GOLGA3: variants seen among roughly 807,000 people sequenced by gnomAD.
GOLGA3 encodes the protein golgin A3.
Under a neutral mutation model 169.4 loss-of-function variants are expected in GOLGA3, and 75 were observed. The ratio of observed to expected loss-of-function variants is 0.44; its 90% CI spans 0.37 to 0.54. The LOEUF is 0.54. Ranked by LOEUF, GOLGA3 falls within the 20% of genes least tolerant of loss-of-function variation. The pLI is 0.00. For missense variants in GOLGA3, 1,899 were observed against 1,930.0 expected, an observed-to-expected ratio of 0.98 and a Z score of 0.30; for synonymous variants, 824 against 822.4, an observed-to-expected ratio of 1.00 and a Z score of -0.03.
At chr12:132,803,738 C>G (rs1949246302) in intron 7 of GOLGA3, among the ~76,000 whole-genome samples, 1 of 152,170 alleles carries the variant, frequency 6.6e-6, no homozygotes, top group Admixed American at 6.5e-5. Context: ...TCTGTGTCAT[C>G]CAAGACCCAG....
chr12:132,783,618 G>A (rs1182797990), intron 16 of GOLGA3, among the ~76,000 whole-genome samples: 4 of 110,204 alleles, frequency 3.6e-5, no homozygotes, highest in Non-Finnish European at 6.0e-5. Context: ...TCACTCTGTC[G>A]CCCAGCCTGG....
chr12:132,812,002 CAAAAAAAA>C (rs71076477), intron 4 of GOLGA3, among the ~76,000 whole-genome samples: 1 of 39,906 alleles, frequency 2.5e-5, no homozygotes, highest in Non-Finnish European at 4.2e-5. Flanking sequence ...CTCCGTCTCT[CAAAAAAAA>C]AAAAAAAAAA....
rs2044808173 is a variant in GOLGA3, at chr12:132,769,620, T to C, written c.*3485A>G. On this transcript the variant is annotated 3_prime_UTR_variant, in exon 24 of 24. Transcript: ENST00000450791. Reference sequence around the variant, plus strand: ...CATGAAAACCAAGTTACGTTGTTTTTGGAACATCAGAAAAACAAGTAGTGA... The same window carrying C: ...CATGAAAACCAAGTTACGTTGTTTTCGGAACATCAGAAAAACAAGTAGTGA... 1 of 152,252 alleles carries C rather than the reference T, an allele frequency of 6.6e-6. No individual in the cohort carries two copies. Among genetic ancestry groups the C allele is most frequent in the South Asian group, 2.1e-4 (1 of 4,836 alleles). 9.4% of individuals were successfully genotyped at this position (152,252 alleles called of 1,614,324 possible). A position where few individuals can be genotyped will look rare whatever the true frequency, so the allele number is the denominator to read the frequency against.
At chr12:132,788,476 C>T (rs2046043378) in intron 13 of GOLGA3, among the ~76,000 whole-genome samples, 1 of 152,160 alleles carries the variant, frequency 6.6e-6, no homozygotes, top group African/African-American at 2.4e-5. Context: ...ACCTGCTCTG[C>T]TACCTGCAGC....
chr12:132,772,823 CAG>C lies in GOLGA3; in HGVS notation c.*280_*281del. On this transcript the variant is annotated 3_prime_UTR_variant, in exon 24 of 24. Transcript: ENST00000450791. ...GCAGAGAGCAGCATCGGTGGCCGCT[CAG>C]AAGCCACGACCTACAAGTAACCCTT... 3.1e-6 allele frequency: 1 copy of C among 319,886 alleles called. No individual in the cohort carries two copies. The allele number at this position is 319,886 out of a possible 1,614,324, so 19.8% of individuals were successfully genotyped here. A position where few individuals can be genotyped will look rare whatever the true frequency, so the allele number is the denominator to read the frequency against.
intron 18 of GOLGA3, among the ~76,000 whole-genome samples, chr12:132,780,017 ACAC>A (rs1467976873): frequency 7.1e-6 from 1 of 141,150 alleles, no homozygotes; most frequent in African/African-American, 2.7e-5. Flanking sequence ...ACGTGCGCAC[ACAC>A]ACCACAGCCC....
At chr12:132,782,124 C>T (rs1437078296) in intron 17 of GOLGA3, among the ~76,000 whole-genome samples, 172 bp downstream of exon 17, 1 of 152,228 alleles carries the variant, frequency 6.6e-6, no homozygotes, top group Non-Finnish European at 1.5e-5. Context: ...GCACCAACAG[C>T]TGGGGACCCA....
At chr12:132,774,612 G>A (rs1321917583) in intron 22 of GOLGA3, 2 of 486,354 alleles carry the variant, frequency 4.1e-6, no homozygotes, top group Non-Finnish European at 7.3e-6. Context: ...TCTCCCAGAC[G>A]CTTCTCCCAT....
intron 22 of GOLGA3, chr12:132,774,731 C>T (rs774399375): frequency 3.6e-5 from 15 of 421,094 alleles, no homozygotes; most frequent in Non-Finnish European, 5.5e-5. Flanking sequence ...AAGCACACGA[C>T]GCTAAACGGC....
chr12:132,774,570 C>A (rs1258994121), intron 22 of GOLGA3: 12 of 560,344 alleles, frequency 2.1e-5, no homozygotes, highest in Non-Finnish European at 3.8e-5. Context: ...CCTGGGTCTG[C>A]GGCAGGACGG....
rs2045317225 is a variant in GOLGA3 at position 132,777,587 on chromosome 12, C to G, written c.3722+79G>C. The G allele has an allele frequency of 6.7e-7, 1 of 1,503,340 alleles. No homozygotes were observed. Among genetic ancestry groups the G allele is most frequent in the South Asian group, 1.2e-5 (1 of 84,568 alleles). The allele number at this position is 1,503,340 out of a possible 1,614,324, so 93.1% of individuals were successfully genotyped here. On this transcript the variant is annotated intron_variant, in intron 19 of 23. Transcript: ENST00000450791. The surrounding 1 kb of genome is among the most constrained non-coding windows in gnomAD (Gnocchi z 4.7). ...ATTTGCAAAATATAGATGACCCTCG[C>G]TGTGCTGAAGGTGTGAATTAGACCC...
intron 4 of GOLGA3, among the ~76,000 whole-genome samples, chr12:132,812,528 G>A (rs1949770074): frequency 2.6e-5 from 4 of 152,110 alleles, no homozygotes; most frequent in Admixed American, 2.6e-4. Flanking sequence ...ATGGGTGGAG[G>A]GGTCAAAATA....
chr12:132,769,481 G>T lies in GOLGA3; in HGVS notation c.*3624C>A, dbSNP rs2044799170. ...GGCCCCTGCTGGACCCACCCGAGGAGAGTCCATTTCACATCCTATCAGAAA... is the reference window on the plus strand; with the variant it reads ...GGCCCCTGCTGGACCCACCCGAGGATAGTCCATTTCACATCCTATCAGAAA... On this transcript the variant is annotated 3_prime_UTR_variant, in exon 24 of 24. Coordinates refer to ENST00000450791, the MANE Select transcript of GOLGA3 (RefSeq NM_001389683.1). 1 of 152,302 alleles carries T rather than the reference G, an allele frequency of 6.6e-6. No individual in the cohort carries two copies. The highest frequency in any genetic ancestry group is 1.5e-5 in the Non-Finnish European group (1 of 68,082). 9.4% of individuals were successfully genotyped at this position (152,302 alleles called of 1,614,324 possible).
chr12:132,795,274 T>C (rs1948777670), intron 11 of GOLGA3, among the ~76,000 whole-genome samples: 1 of 151,734 alleles, frequency 6.6e-6, no homozygotes, highest in Non-Finnish European at 1.5e-5. Flanking sequence ...GGCAGATCAC[T>C]TGGGTTTAGG....
At position 132,814,591 on chromosome 12, in the gene GOLGA3, C is replaced by T. The variant is rs1372584473; in HGVS notation, c.407-1172G>A. On this transcript the variant is annotated intron_variant, in intron 3 of 23. Coordinates refer to ENST00000450791, the MANE Select transcript of GOLGA3 (RefSeq NM_001389683.1). ...GGGTCCGCTCTGACGCACAGCTCAT[C>T]TCAGCTCCTGCAGTAACAAGTCACA... Among the ~76,000 whole-genome samples, 4 of 152,236 alleles carry T rather than the reference C, an allele frequency of 2.6e-5. No individual in the cohort carries two copies. In the East Asian group the frequency reaches 7.7e-4, roughly 29 times the overall value.
intron 3 of GOLGA3, among the ~76,000 whole-genome samples, chr12:132,814,602 C>A (rs1228786698): frequency 2.6e-5 from 4 of 152,232 alleles, no homozygotes; most frequent in Admixed American, 1.3e-4. Context: ...TCAGCTCCTG[C>A]AGTAACAAGT....
intron 4 of GOLGA3, among the ~76,000 whole-genome samples, chr12:132,810,998 GTCTCTCTCTCTCCC>G (rs1245249178): frequency 2.0e-5 from 3 of 152,134 alleles, no homozygotes; most frequent in Non-Finnish European, 4.4e-5. Context: ...GGCATAAGCT[GTCTCTCTCTCTCCC>G]TCTCTCTCTA....
chr12:132,786,308 C>A (rs1034812779), intron 15 of GOLGA3, 31 bp downstream of exon 15: 3 of 1,469,680 alleles, frequency 2.0e-6, no homozygotes, highest in Admixed American at 3.7e-5. Context: ...GGGCTGGTGA[C>A]CCTGGCCGGG....
At chr12:132,783,542 G>C (rs11147072) in intron 16 of GOLGA3, among the ~76,000 whole-genome samples, 147,668 of 152,120 alleles carry the variant, frequency 0.97, 71,841 homozygotes, top group East Asian at 1. Flanking sequence ...GCCACCAGCA[G>C]CGCTGAAGCG....
Sources: gnomAD v4.1 joint callset for allele counts (sites outside exome capture counted in the v4.1 genomes callset) on GRCh38, gnomAD v4.1.1 for gene constraint, Gnocchi (gnomAD v3.1) non-coding constraint, MANE v1.5 for transcripts, NCBI Gene and HGNC (gene_info 2026-07-23, HGNC 2026-07-21) for gene names.